SMARCB1: variants seen among roughly 807,000 people sequenced by gnomAD.
SMARCB1 encodes the protein SWI/SNF related BAF chromatin remodeling complex subunit B1.
A neutral mutation model predicts 49.0 loss-of-function variants in SMARCB1; 5 were observed. That is an observed-to-expected ratio of 0.10 (90% CI 0.05 to 0.21). The LOEUF (loss-of-function observed/expected upper bound fraction) is 0.21. Among genes scored for constraint, SMARCB1 ranks in the 10% least tolerant of loss-of-function variants. The probability of loss-of-function intolerance (pLI) is 1.00; values close to 1 mark genes in which losing one functional copy is unlikely to be tolerated. For missense variants in SMARCB1, 226 were observed against 509.2 expected, an observed-to-expected ratio of 0.44 and a Z score of 5.35; for synonymous variants, 201 against 200.1, an observed-to-expected ratio of 1.00 and a Z score of -0.04.
At chr22:23,832,915 G>A (rs1242700912) in intron 7 of SMARCB1, among the ~76,000 whole-genome samples, 1 of 152,170 alleles carries the variant, frequency 6.6e-6, no homozygotes, top group African/African-American at 2.4e-5. Context: ...GGTGGTCCTT[G>A]TGAGACCCAG....
At chr22:23,819,061 A>G (rs1424258032) in intron 6 of SMARCB1, among the ~76,000 whole-genome samples, 1 of 152,128 alleles carries the variant, frequency 6.6e-6, no homozygotes, top group African/African-American at 2.4e-5. Flanking sequence ...CATGTTGCCC[A>G]GGCTGGTCTC....
intron 1 of SMARCB1, among the ~76,000 whole-genome samples, chr22:23,791,493 A>G (rs1928369648): frequency 6.6e-6 from 1 of 152,256 alleles, no homozygotes; most frequent in Non-Finnish European, 1.5e-5. Context: ...CTTCTTGCTA[A>G]GCTCTGGGGG....
At position 23,787,189 on chromosome 22, in the gene SMARCB1, G is replaced by C; in HGVS notation, c.20G>C (p.Ser7Thr). The C allele has an allele frequency of 6.2e-7, 1 of 1,608,786 alleles. No homozygotes were observed. The highest frequency in any genetic ancestry group is 2.2e-5 in the East Asian group (1 of 44,530). The change falls in exon 1 of 9, where the codon AGC becomes ACC. Residue 7 changes from serine (S) to threonine (T), a missense_variant. By Grantham distance (58) the Ser-to-Thr change is moderately conservative. Coordinates refer to ENST00000644036, the MANE Select transcript of SMARCB1 (RefSeq NM_003073.5). ...GCCGCAATGATGATGATGGCGCTGA[G>C]CAAGACCTTCGGGCAGAAGCCCGTG... MMMMALSKTFGQKPVKF... is the reference protein window; with the variant it reads MMMMALTKTFGQKPVKF...
At chr22:23,792,332 T>A (rs1405085260) in intron 2 of SMARCB1, 1 of 336,782 alleles carries the variant, frequency 3.0e-6, no homozygotes, top group Non-Finnish European at 5.8e-6. Context: ...TAGCACTTCA[T>A]CCTGGCAGCC....
chr22:23,834,014 C>A, intron 8 of SMARCB1, 127 bp from the exon 9 acceptor site: 1 of 1,050,930 alleles, frequency 9.5e-7, no homozygotes, highest in Non-Finnish European at 1.4e-6. Context: ...GGGTCTGACC[C>A]TGCTGGGGGC....
Position 23,837,534 on chromosome 22 carries a change from G to C in SMARCB1, c.*3354G>C. 1 of 1,018,384 alleles carries C rather than the reference G, an allele frequency of 9.8e-7. No homozygotes were observed. Among genetic ancestry groups the C allele is most frequent in the South Asian group, 1.6e-5 (1 of 62,338 alleles). 63.1% of individuals were successfully genotyped at this position (1,018,384 alleles called of 1,614,324 possible). ...AGCACAGCAGCTGGGAGGGCAGGAA[G>C]ATGGGGATGGAGCCAGGTGTGAGGA... On this transcript the variant is annotated 3_prime_UTR_variant, in exon 9 of 9. Coordinates refer to ENST00000644036, the MANE Select transcript of SMARCB1 (RefSeq NM_003073.5).
At chr22:23,788,420 TTTA>T (rs549370871) in intron 1 of SMARCB1, among the ~76,000 whole-genome samples, 29 of 152,188 alleles carry the variant, frequency 1.9e-4, no homozygotes, top group Non-Finnish European at 3.1e-4. Context: ...TTATTCGTAC[TTTA>T]TTTTCTTTTA....
In SMARCB1 at chr22:23,834,935, G is replaced by T; in HGVS notation, c.*755G>T. 6.2e-7 allele frequency: 1 copy of T among 1,606,414 alleles called. No homozygotes were observed. On this transcript the variant is annotated 3_prime_UTR_variant, in exon 9 of 9. Transcript: ENST00000644036. ...GGGCCTTGCTGCTCTGAAGTCCCCT[G>T]CGGAGGGCCCAGTCCTGTGTGGGCA...
Position 23,793,666 on chromosome 22 carries a change from A to C in SMARCB1, c.340A>C (p.Thr114Pro), listed in dbSNP as rs750822703. The change falls in exon 3 of 9, where the codon ACA becomes CCA. Residue 114 changes from threonine (T) to proline (P), a missense_variant. Thr to Pro is a conservative substitution (Grantham distance 38). Transcript: ENST00000644036. ...DEKYKAVSIS[T>P]EPPTYLREQK... ...GAAGTACAAGGCTGTGTCCATCAGC[A>C]CAGAGCCCCCCACCTACCTCAGGTA... is the stretch of plus-strand genomic sequence containing the variant. The C allele has an allele frequency of 3.7e-6, 6 of 1,614,232 alleles. No individual in the cohort carries two copies. The East Asian group carries it at 1.3e-4, about 36-fold the overall frequency.
At chr22:23,826,078 C>CG (rs2030364687) in intron 7 of SMARCB1, 1 of 152,482 alleles carries the variant, frequency 6.6e-6, no homozygotes, top group African/African-American at 2.4e-5. Context: ...GGGATGGACC[C>CG]GGGAGAGGCC....
chr22:23,806,919 C>CAAAAAAA (rs61000279), intron 5 of SMARCB1, among the ~76,000 whole-genome samples: 15 of 86,858 alleles, frequency 1.7e-4, no homozygotes, highest in South Asian at 7.3e-4. Context: ...GACTCTATCT[C>CAAAAAAA]AAAAAAAAAA....
At position 23,837,256 on chromosome 22, in the gene SMARCB1, G is replaced by A; in HGVS notation, c.*3076G>A. ...CCATCCACAGCCTGGTGGCCCTGCA[G>A]GCCCCACAGCATGAGTGCCCCAAAG... is the stretch of plus-strand genomic sequence containing the variant. On this transcript the variant is annotated 3_prime_UTR_variant, in exon 9 of 9. Transcript: ENST00000644036. The A allele has an allele frequency of 7.0e-7, 1 of 1,431,244 alleles. No individual in the cohort carries two copies. The highest frequency in any genetic ancestry group is 9.6e-7 in the Non-Finnish European group (1 of 1,046,634). 88.7% of individuals were successfully genotyped at this position (1,431,244 alleles called of 1,614,324 possible). A position where few individuals can be genotyped will look rare whatever the true frequency, so the allele number is the denominator to read the frequency against.
chr22:23,826,885 A>C (rs1299353640), intron 7 of SMARCB1, among the ~76,000 whole-genome samples: 4 of 152,164 alleles, frequency 2.6e-5, no homozygotes, highest in Admixed American at 2.6e-4. Flanking sequence ...CCTGCCCCCC[A>C]GCAGCCCTGC....
chr22:23,835,198 C>CA lies in SMARCB1; in HGVS notation c.*1020dup. The stretch of plus-strand genomic sequence containing the variant: ...CAGGGTCCCTTCCCAGCCCTGCCTC[C>CA]AAGGAGTTCATGTCCCCTCTGTTCT... On this transcript the variant is annotated 3_prime_UTR_variant, in exon 9 of 9. Transcript: ENST00000644036. 7.9e-7 allele frequency: 1 copy of CA among 1,268,964 alleles called. No individual in the cohort carries two copies. Among genetic ancestry groups the CA allele is most frequent in the Non-Finnish European group, 9.9e-7 (1 of 1,008,794 alleles). 78.6% of individuals were successfully genotyped at this position (1,268,964 alleles called of 1,614,324 possible).
intron 4 of SMARCB1, 47 bp from the exon 5 acceptor site, chr22:23,803,248 T>G: frequency 6.2e-7 from 1 of 1,613,414 alleles, no homozygotes; most frequent in Non-Finnish European, 8.5e-7. Context: ...TTTGCATACC[T>G]AGGGCTCCGG....
chr22:23,825,242 A>G lies in SMARCB1; in HGVS notation c.813A>G (p.Gly271=). The G allele has an allele frequency of 6.2e-7, 1 of 1,614,116 alleles. No homozygotes were observed. ...TGCCTCAGCTGAACATCCATGTGGG[A>G]AACATTTCCCTGGTGGACCAGTTTG... ...RVIIKLNIHV[G]NISLVDQFEW... Residue 271 remains glycine (G), a synonymous_variant, in exon 7 of 9, where the codon GGA becomes GGG. Transcript: ENST00000644036.
intron 5 of SMARCB1, among the ~76,000 whole-genome samples, chr22:23,813,524 T>C (rs1418424808): frequency 1.3e-5 from 2 of 152,186 alleles, no homozygotes; most frequent in African/African-American, 4.8e-5. Flanking sequence ...AAAAATACAT[T>C]ACCATTTATC....
At chr22:23,789,899 C>G (rs189979794) in intron 1 of SMARCB1, among the ~76,000 whole-genome samples, 4 of 152,334 alleles carry the variant, frequency 2.6e-5, no homozygotes, top group Admixed American at 2.0e-4. Context: ...CCCAGTGCCT[C>G]CATGCGCCAT....
chr22:23,807,726 G>A (rs926047971), intron 5 of SMARCB1, among the ~76,000 whole-genome samples: 15 of 151,440 alleles, frequency 9.9e-5, no homozygotes, highest in Admixed American at 9.9e-4. Flanking sequence ...AATCTTGAGA[G>A]CAATCAGAGA....
Sources: gnomAD v4.1 joint callset for allele counts (sites outside exome capture counted in the v4.1 genomes callset) on GRCh38, gnomAD v4.1.1 for gene constraint, MANE v1.5 for transcripts, NCBI Gene and HGNC (gene_info 2026-07-23, HGNC 2026-07-21) for gene names.